Variants in SLFN12 observed in about 807,000 individuals in gnomAD.
SLFN12 encodes ribonuclease SLFN12.
SLFN12 carries 25 observed loss-of-function variants against 29.1 expected under a neutral mutation model. The observed-to-expected ratio is 0.86, with a 90% CI of 0.63 to 1.20. SLFN12 has a LOEUF of 1.20. Ranked by LOEUF, SLFN12 falls within the 50% of genes most tolerant of loss-of-function variation. SLFN12 has a pLI of 0.00. For synonymous variants in SLFN12, 257 were observed against 238.7 expected (o/e 1.08, Z -0.71); for missense variants, 660 against 666.2 (o/e 0.99, Z 0.10).
In SLFN12 at chr17:35,432,396, G is replaced by C. The variant is rs941578940; in HGVS notation, c.-249C>G. ...GAGCCCGGTTTCAGAATTTTCTGGG[G>C]TTTAAGTACCCTCTAAAGTTTTCCC... On this transcript the variant is annotated 5_prime_UTR_variant, in exon 1 of 4. Coordinates refer to ENST00000304905, the MANE Select transcript of SLFN12 (RefSeq NM_018042.5). 1 of 152,230 alleles carries C rather than the reference G, an allele frequency of 6.6e-6. No individual in the cohort carries two copies. Among genetic ancestry groups the C allele is most frequent in the Non-Finnish European group, 1.5e-5 (1 of 68,112 alleles). 9.4% of individuals were successfully genotyped at this position (152,230 alleles called of 1,614,324 possible). A position where few individuals can be genotyped will look rare whatever the true frequency, so the allele number is the denominator to read the frequency against.
At chr17:35,420,751 T>C (rs1177312442) in intron 2 of SLFN12, 1 of 187,284 alleles carries the variant, frequency 5.3e-6, no homozygotes, top group African/African-American at 2.4e-5. Flanking sequence ...TATAAGCTGC[T>C]AGTACTGGTC....
intron 3 of SLFN12, among the ~76,000 whole-genome samples, chr17:35,419,743 C>A (rs753431477): frequency 2.0e-5 from 3 of 152,136 alleles, no homozygotes; most frequent in Non-Finnish European, 4.4e-5. Context: ...TATTCACACA[C>A]CTCCTGAGCC....
At chr17:35,419,309 T>C (rs1425996762) in intron 3 of SLFN12, among the ~76,000 whole-genome samples, 2 of 152,040 alleles carry the variant, frequency 1.3e-5, no homozygotes, top group South Asian at 2.1e-4. Flanking sequence ...AGAGTATACC[T>C]TAAGAAAAGA....
chr17:35,430,235 A>G (rs1459809571), intron 1 of SLFN12, among the ~76,000 whole-genome samples: 1 of 152,048 alleles, frequency 6.6e-6, no homozygotes, highest in African/African-American at 2.4e-5. Flanking sequence ...TCACTGAAAC[A>G]TTCTGTTTGC....
intron 1 of SLFN12, among the ~76,000 whole-genome samples, chr17:35,423,782 G>A (rs910371881): frequency 6.6e-6 from 1 of 152,108 alleles, no homozygotes; most frequent in Non-Finnish European, 1.5e-5. Context: ...TTTTTGGGAA[G>A]TGATCAGGTT....
In SLFN12 at chr17:35,420,361, C is replaced by G; in HGVS notation, c.1060G>C (p.Glu354Gln). Residue 354 changes from glutamate (E) to glutamine (Q), a missense_variant, in exon 3 of 4, where the codon GAG (glutamate) becomes CAG (glutamine). Physicochemically the swap from Glu to Gln is conservative, Grantham distance 29 (BLOSUM62 2). Transcript: ENST00000304905. ...GACGTATTTATTTGAGAGATCACCTCTTCATATGAACTGGAAAATTCTTAA... is the reference window on the plus strand; with the variant it reads ...GACGTATTTATTTGAGAGATCACCTGTTCATATGAACTGGAAAATTCTTAA... ...AEPKFSSSYE[E>Q]VISQINTSLP... 6.2e-7 allele frequency: 1 copy of G among 1,612,962 alleles called. No homozygotes were observed. Among genetic ancestry groups the G allele is most frequent in the Non-Finnish European group, 8.5e-7 (1 of 1,179,412 alleles).
intron 1 of SLFN12, among the ~76,000 whole-genome samples, chr17:35,431,281 C>A (rs1429348012): frequency 1.3e-5 from 2 of 152,066 alleles, no homozygotes; most frequent in African/African-American, 4.8e-5. Context: ...TTTTAAAGGT[C>A]AAACTTCCTC....
intron 3 of SLFN12, 70 bp downstream of exon 3, chr17:35,420,204 G>C (rs1047397684): frequency 6.8e-5 from 75 of 1,095,802 alleles, no homozygotes; most frequent in Non-Finnish European, 9.2e-5. Context: ...TCAAGACTGA[G>C]CTGGTTTGAA....
At chr17:35,426,067 A>G (rs969315637) in intron 1 of SLFN12, among the ~76,000 whole-genome samples, 5 of 151,198 alleles carry the variant, frequency 3.3e-5, no homozygotes, top group African/African-American at 4.9e-5. Flanking sequence ...GCATTATTTC[A>G]TATATCTGTT....
At chr17:35,420,464 C>A (rs970224756) in intron 2 of SLFN12, 83 bp from the exon 3 acceptor site, 3 of 755,170 alleles carry the variant, frequency 4.0e-6, no homozygotes, top group East Asian at 3.0e-5. Context: ...TATTAAAAGT[C>A]TACTTGTAAC....
chr17:35,420,487 C>A, intron 2 of SLFN12, 106 bp from the exon 3 acceptor site: 3 of 688,074 alleles, frequency 4.4e-6, no homozygotes, highest in South Asian at 2.6e-5. Flanking sequence ...ATTCTGTTTT[C>A]CAAAAAAAAA....
chr17:35,431,877 G>A lies in SLFN12; in HGVS notation c.-41+311C>T, dbSNP rs1255698148. The A allele has an allele frequency of 2.6e-5, 4 of 152,264 alleles. 1 individual carries two copies. In the East Asian group the frequency reaches 7.7e-4, roughly 29 times the overall value. 9.4% of individuals were successfully genotyped at this position (152,264 alleles called of 1,614,324 possible). ...TTTAACATAAGGAAAGAAGGTTTAAGTCACCTGAAACACGTGTGAGTTCGC... is the reference window on the plus strand; with the variant it reads ...TTTAACATAAGGAAAGAAGGTTTAAATCACCTGAAACACGTGTGAGTTCGC... On this transcript the variant is annotated intron_variant, in intron 1 of 3. Transcript: ENST00000304905.
chr17:35,420,411 T>G (rs890755952), intron 2 of SLFN12, 30 bp from the exon 3 acceptor site: 2 of 1,474,356 alleles, frequency 1.4e-6, no homozygotes, highest in Admixed American at 3.4e-5. Context: ...CATTCTTAAT[T>G]TCGCAGAAGG....
At chr17:35,428,149 A>G (rs1332886859) in intron 1 of SLFN12, among the ~76,000 whole-genome samples, 1 of 152,196 alleles carries the variant, frequency 6.6e-6, no homozygotes, top group Non-Finnish European at 1.5e-5. Context: ...ATATATGTAC[A>G]CACAGAGAGA....
chr17:35,413,915 T>C (rs1005290781), intron 3 of SLFN12, among the ~76,000 whole-genome samples: 1 of 151,934 alleles, frequency 6.6e-6, no homozygotes, highest in Non-Finnish European at 1.5e-5. Context: ...AGAAAAAGCA[T>C]TTTACAAAAT....
At chr17:35,413,280 A>T (rs1911132022) in intron 3 of SLFN12, among the ~76,000 whole-genome samples, 1 of 151,570 alleles carries the variant, frequency 6.6e-6, no homozygotes, top group Admixed American at 6.6e-5. Context: ...TTCCAAAAAA[A>T]TTGAAGAGGA....
intron 3 of SLFN12, among the ~76,000 whole-genome samples, chr17:35,412,758 G>A (rs879555915): frequency 1.3e-5 from 2 of 151,860 alleles, no homozygotes; most frequent in African/African-American, 4.8e-5. Context: ...AGAAAAATCA[G>A]ATCAGAGAAA....
chr17:35,413,619 G>T (rs1031823191), intron 3 of SLFN12, among the ~76,000 whole-genome samples: 4 of 151,728 alleles, frequency 2.6e-5, no homozygotes, highest in African/African-American at 4.8e-5. Context: ...AATGGTGGCA[G>T]GCACCTGTAA....
rs148464539 is a variant in SLFN12 at position 35,422,892 on chromosome 17, C to G, written c.137G>C (p.Arg46Pro). 158 of 1,613,818 alleles carry G rather than the reference C, an allele frequency of 9.8e-5. No individual in the cohort carries two copies. The highest frequency in any genetic ancestry group is 1.6e-4 in the Middle Eastern group (1 of 6,084). Residue 46 changes from arginine (R) to proline (P), a missense_variant, in exon 2 of 4, where the codon CGA becomes CCA. Arg to Pro is a moderately radical substitution (Grantham distance 103). Coordinates refer to ENST00000304905, the MANE Select transcript of SLFN12 (RefSeq NM_018042.5). Reference protein sequence around the residue: ...LRKKQNESVSRAMCALLNSGG... With the variant: ...LRKKQNESVSPAMCALLNSGG... ...AGAATTGAGCAGAGCACACATAGCT[C>G]GTGAGACACTTTCATTCTGCTTTTT... is the stretch of plus-strand genomic sequence containing the variant.
Sources: gnomAD v4.1 joint callset for allele counts (sites outside exome capture counted in the v4.1 genomes callset) on GRCh38, gnomAD v4.1.1 for gene constraint, MANE v1.5 for transcripts, NCBI Gene and HGNC (gene_info 2026-07-23, HGNC 2026-07-21) for gene names.